SEC14L2: variants seen among roughly 807,000 people sequenced by gnomAD.
The protein encoded by SEC14L2 is SEC14-like protein 2.
In SEC14L2, 50 loss-of-function variants were observed where a neutral mutation model predicts 56.9. That is an observed-to-expected ratio of 0.88 (90% CI 0.70 to 1.11). The LOEUF is 1.11. SEC14L2 is among the 50% of genes most tolerant of loss of function. The pLI, the probability that SEC14L2 is intolerant of heterozygous loss-of-function variation, is 0.00. For missense variants in SEC14L2, 414 were observed against 500.7 expected (o/e 0.83, Z 1.65); for synonymous variants, 179 against 188.5 (o/e 0.95, Z 0.41).
intron 8 of SEC14L2, among the ~76,000 whole-genome samples, chr22:30,412,436 A>G (rs2146030839): frequency 6.6e-6 from 1 of 151,930 alleles, no homozygotes; most frequent in East Asian, 1.9e-4. Context: ...TCTCGGCACA[A>G]TGTTGTCACA....
Position 30,407,434 on chromosome 22 carries a change from CA to C in SEC14L2, c.255del (p.Gly87ValfsTer16), listed in dbSNP as rs1307672243. ...GCCCAGGTGATCCAACAGTATCTGTCAGGGGGTATGTGTGGCTATGACCTGG... is the reference window on the plus strand; with the variant it reads ...GCCCAGGTGATCCAACAGTATCTGTCGGGGGTATGTGTGGCTATGACCTGG... ...QPPEVIQQYL[S>X]GGMCGYDLDG... On this transcript the variant is annotated frameshift_variant, in exon 5 of 12. Coordinates refer to ENST00000615189, the MANE Select transcript of SEC14L2 (RefSeq NM_012429.5). LOFTEE classifies it high-confidence loss of function. The C allele has an allele frequency of 6.2e-7, 1 of 1,613,902 alleles. No homozygotes were observed.
chr22:30,408,143 T>C (rs1265952397), intron 5 of SEC14L2, among the ~76,000 whole-genome samples: 1 of 151,378 alleles, frequency 6.6e-6, no homozygotes, highest in African/African-American at 2.4e-5. Context: ...ATTGAATAAA[T>C]TTAGCTTCAT....
intron 1 of SEC14L2, among the ~76,000 whole-genome samples, chr22:30,399,239 G>A (rs774457519): frequency 1.2e-4 from 18 of 152,078 alleles, no homozygotes; most frequent in Non-Finnish European, 1.2e-4. Context: ...CCAGTTGGCC[G>A]GGCGTGGGGG....
At chr22:30,399,551 AGGCGTCCAGC>A in intron 1 of SEC14L2, 82 bp from the exon 2 acceptor site, 1 of 526,174 alleles carries the variant, frequency 1.9e-6, no homozygotes, top group East Asian at 3.4e-5. Flanking sequence ...ACAAAGAAAG[AGGCGTCCAGC>A]AAAGATCTCA....
intron 2 of SEC14L2, among the ~76,000 whole-genome samples, chr22:30,404,293 G>A (rs1443443401): frequency 6.6e-6 from 1 of 152,190 alleles, no homozygotes; most frequent in Non-Finnish European, 1.5e-5. Context: ...ACACAAAAAA[G>A]GGTGGGATTC....
intron 1 of SEC14L2, chr22:30,398,787 AGAGT>A (rs1296366954): frequency 4.2e-6 from 2 of 470,940 alleles, no homozygotes; most frequent in Non-Finnish European, 8.8e-6. Context: ...CATGGTGGAA[AGAGT>A]GTGTGCTCTG....
Position 30,397,145 on chromosome 22 carries a change from C to G in SEC14L2, c.29C>G (p.Pro10Arg), listed in dbSNP as rs751522259. The change falls in exon 1 of 12, where the codon CCC becomes CGC. Residue 10 changes from proline to arginine, a missense_variant. Coordinates refer to ENST00000615189, the MANE Select transcript of SEC14L2 (RefSeq NM_012429.5). MSGRVGDLS[P>R]RQKEALAKFR... is the part of the protein sequence containing the mutation. ...AGCGGCAGAGTCGGCGATCTGAGCC[C>G]CAGGCAGAAGGAGGCATTGGCCAAG... is the stretch of plus-strand genomic sequence containing the variant. The G allele has an allele frequency of 5.0e-5, 77 of 1,547,536 alleles. No homozygotes were observed. Among genetic ancestry groups the G allele is most frequent in the Non-Finnish European group, 6.5e-5 (74 of 1,145,788 alleles).
At chr22:30,414,516 G>A (rs928430947) in intron 8 of SEC14L2, among the ~76,000 whole-genome samples, 1 of 152,114 alleles carries the variant, frequency 6.6e-6, no homozygotes, top group Admixed American at 6.6e-5. Context: ...ATGGTCTTTG[G>A]TCCCTAAAAA....
At chr22:30,402,528 T>A (rs1175689400) in intron 2 of SEC14L2, among the ~76,000 whole-genome samples, 3 of 152,044 alleles carry the variant, frequency 2.0e-5, no homozygotes, top group African/African-American at 7.2e-5. Context: ...GGGACTTACC[T>A]GAAGTTACAG....
In SEC14L2 at chr22:30,407,209, C is replaced by A. The variant is rs1934121085; in HGVS notation, c.234+55C>A. The A allele has an allele frequency of 2.5e-6, 4 of 1,582,178 alleles. No individual in the cohort carries two copies. The Admixed American group carries it at 5.0e-5, about 20-fold the overall frequency. Reference sequence around the variant, plus strand: ...ATGCTAGGCCTTTCAGACCCACAACCTGGGTCCTGGATCCACTGGATTTGG... The same window carrying A: ...ATGCTAGGCCTTTCAGACCCACAACATGGGTCCTGGATCCACTGGATTTGG... On this transcript the variant is annotated intron_variant, in intron 4 of 11. Transcript: ENST00000615189.
rs772521564 is a variant in SEC14L2, at chr22:30,408,533, C to T, written c.424-654C>T. On this transcript the variant is annotated intron_variant, in intron 5 of 11. Coordinates refer to ENST00000615189, the MANE Select transcript of SEC14L2 (RefSeq NM_012429.5). ...TTGGGAAGTCGAGGCTGCAGTGAGC[C>T]GTGATCGCACCACTGCACTCCAGCT... Among the ~76,000 whole-genome samples, 40 of 152,102 alleles carry T rather than the reference C, an allele frequency of 2.6e-4. 2 individuals are homozygous for T. The highest frequency in any genetic ancestry group is 1.2e-4 in the Non-Finnish European group (8 of 68,030).
chr22:30,407,301 G>C (rs897827660), intron 4 of SEC14L2, 114 bp from the exon 5 acceptor site: 5 of 1,436,168 alleles, frequency 3.5e-6, no homozygotes, highest in Non-Finnish European at 4.8e-6. Context: ...GCATCTGTTG[G>C]TACCCAGGAG....
Position 30,415,770 on chromosome 22 carries a change from G to A in SEC14L2, c.676G>A (p.Glu226Lys). 1 of 1,614,094 alleles carries A rather than the reference G, an allele frequency of 6.2e-7. No individual in the cohort carries two copies. Among genetic ancestry groups the A allele is most frequent in the Non-Finnish European group, 8.5e-7 (1 of 1,179,974 alleles). The part of the protein sequence containing the change: ...KIMVLGANWK[E>K]VLLKHISPDQ... ...CCCTCTCCTGCCAGCAAATTGGAAGGAGGTTTTACTGAAACATATCAGCCC... is the reference window on the plus strand; with the variant it reads ...CCCTCTCCTGCCAGCAAATTGGAAGAAGGTTTTACTGAAACATATCAGCCC... Residue 226 changes from glutamate (E) to lysine (K), a missense_variant, in exon 9 of 12, where the codon GAG becomes AAG. Glu to Lys is a moderately conservative substitution (Grantham distance 56). Transcript: ENST00000615189.
At position 30,424,898 on chromosome 22, in the gene SEC14L2, T is replaced by C; in HGVS notation, c.*2491T>C. The stretch of plus-strand genomic sequence containing the variant: ...CTCCCTTGCCCGATTCATTCATTCG[T>C]TAATTAATTCATCCAACATCCTGTC... On this transcript the variant is annotated 3_prime_UTR_variant, in exon 12 of 12. Transcript: ENST00000615189. 1 of 447,220 alleles carries C rather than the reference T, an allele frequency of 2.2e-6. No individual in the cohort carries two copies. The highest frequency in any genetic ancestry group is 4.5e-6 in the Non-Finnish European group (1 of 220,878). 27.7% of individuals were successfully genotyped at this position (447,220 alleles called of 1,614,324 possible).
At position 30,400,933 on chromosome 22, in the gene SEC14L2, C is replaced by CT. The variant is rs890631114; in HGVS notation, c.130+1226dup. ...AAAAAAAAAAAAAAAAGAAGGTTACCTTTTTTTTTTTCTTTTTAGTAGAGA... is the reference window on the plus strand; with the variant it reads ...AAAAAAAAAAAAAAAAGAAGGTTACCTTTTTTTTTTTTCTTTTTAGTAGAGA... On this transcript the variant is annotated intron_variant, in intron 2 of 11. Coordinates refer to ENST00000615189, the MANE Select transcript of SEC14L2 (RefSeq NM_012429.5). 2.3e-3 allele frequency among the ~76,000 whole-genome samples: 293 copies of CT among 127,102 alleles called. 4 individuals carry two copies. The highest frequency in any genetic ancestry group is 7.3e-3 in the African/African-American group (253 of 34,454). The allele number at this position is 127,102 out of a possible 152,430, so 83.4% of individuals were successfully genotyped here. A position where few individuals can be genotyped will look rare whatever the true frequency, so the allele number is the denominator to read the frequency against.
In SEC14L2 at chr22:30,424,500, A is replaced by G. The variant is rs1934615968; in HGVS notation, c.*2093A>G. 2.9e-6 allele frequency: 1 copy of G among 340,742 alleles called. No individual in the cohort carries two copies. The highest frequency in any genetic ancestry group is 5.8e-6 in the Non-Finnish European group (1 of 172,244). 21.1% of individuals were successfully genotyped at this position (340,742 alleles called of 1,614,324 possible). ...CTCATTTTCTCTACCTTTGATGAAA[A>G]TAAGAGCTAATTCTTAATAAGGCCT... On this transcript the variant is annotated 3_prime_UTR_variant, in exon 12 of 12. Transcript: ENST00000615189.
intron 1 of SEC14L2, among the ~76,000 whole-genome samples, chr22:30,399,018 C>T (rs1181967478): frequency 6.6e-6 from 1 of 152,128 alleles, no homozygotes; most frequent in Non-Finnish European, 1.5e-5. Context: ...TACTGCAGTC[C>T]GTATCAGAGT....
At chr22:30,417,432 T>C (rs143925817) in intron 11 of SEC14L2, among the ~76,000 whole-genome samples, 27 of 152,370 alleles carry the variant, frequency 1.8e-4, no homozygotes, top group African/African-American at 6.5e-4. Flanking sequence ...AGTTTCTTTT[T>C]GTCAGAGCCA....
rs548512236 is a variant in SEC14L2 at position 30,402,085 on chromosome 22, A to G, written c.130+2367A>G. ...GAAGTGTCACTTGCCCCTTTCCCCAAAAAAGCTTCCATACCATCCCCCTAC... is the reference window on the plus strand; with the variant it reads ...GAAGTGTCACTTGCCCCTTTCCCCAGAAAAGCTTCCATACCATCCCCCTAC... On this transcript the variant is annotated intron_variant, in intron 2 of 11. Coordinates refer to ENST00000615189, the MANE Select transcript of SEC14L2 (RefSeq NM_012429.5). 1.5e-3 allele frequency among the ~76,000 whole-genome samples: 231 copies of G among 152,198 alleles called. 1 individual carries two copies. The highest frequency in any genetic ancestry group is 5.2e-3 in the African/African-American group (215 of 41,520).
Sources: allele counts gnomAD v4.1 joint callset (sites outside exome capture counted in the v4.1 genomes callset), GRCh38; gene constraint gnomAD v4.1.1; transcripts MANE v1.5; gene names NCBI Gene and HGNC (gene_info 2026-07-23, HGNC 2026-07-21).